The following RABEP2 variants were observed in gnomAD, a reference collection of about 807,000 sequenced individuals.
RABEP2 encodes rab GTPase-binding effector protein 2.
RABEP2 carries 57 observed loss-of-function variants against 74.1 expected under a neutral mutation model. The observed-to-expected ratio is 0.77, with a 90% CI of 0.62 to 0.96. RABEP2 has a LOEUF of 0.96. Ranked by LOEUF, RABEP2 falls within the 40% of genes least tolerant of loss-of-function variation. The pLI is 0.00. For synonymous variants in RABEP2, 351 were observed against 344.0 expected (o/e 1.02, Z -0.23); for missense variants, 692 against 756.3 (o/e 0.91, Z 1.00).
intron 3 of RABEP2, among the ~76,000 whole-genome samples, chr16:28,917,022 C>CCACT (rs940508041): frequency 1.3e-5 from 2 of 151,938 alleles, no homozygotes; most frequent in African/African-American, 4.8e-5. Context: ...CACATTTAAG[C>CCACT]CACTGTTAAT....
chr16:28,919,067 T>C (rs1964433343), intron 3 of RABEP2, among the ~76,000 whole-genome samples: 1 of 152,232 alleles, frequency 6.6e-6, no homozygotes, highest in African/African-American at 2.4e-5. Flanking sequence ...ATCGTACTCA[T>C]CTGATAAATG....
chr16:28,914,680 C>T lies in RABEP2; in HGVS notation c.535G>A (p.Glu179Lys). The T allele has an allele frequency of 6.2e-7, 1 of 1,614,152 alleles. No homozygotes were observed. The highest frequency in any genetic ancestry group is 8.5e-7 in the Non-Finnish European group (1 of 1,179,990). Residue 179 changes from glutamate (E) to lysine (K), a missense_variant, in exon 4 of 13, where the codon GAG (glutamate) becomes AAG (lysine). Coordinates refer to ENST00000358201, the MANE Select transcript of RABEP2 (RefSeq NM_024816.3). ...CCTGGCCGTGCCCTCACCTGGATCTCCTGAATCAGCTCCTCGGCCCTCAGC... is the reference window on the plus strand; with the variant it reads ...CCTGGCCGTGCCCTCACCTGGATCTTCTGAATCAGCTCCTCGGCCCTCAGC... ...KLLRAEELIQ[E>K]IQRRPRHAPS...
At chr16:28,923,455 T>C (rs899622139) in intron 2 of RABEP2, among the ~76,000 whole-genome samples, 6 of 152,154 alleles carry the variant, frequency 3.9e-5, no homozygotes, top group African/African-American at 1.2e-4. Flanking sequence ...GCTATTGTTA[T>C]TATTTAGGAC....
chr16:28,912,690 C>T (rs541278784), intron 5 of RABEP2, among the ~76,000 whole-genome samples: 30 of 152,138 alleles, frequency 2.0e-4, no homozygotes, highest in Non-Finnish European at 2.8e-4. Context: ...TGAGATTACA[C>T]GCGTGAGCCA....
chr16:28,921,563 C>T (rs1226428070), intron 2 of RABEP2, among the ~76,000 whole-genome samples: 1 of 151,806 alleles, frequency 6.6e-6, no homozygotes, highest in African/African-American at 2.4e-5. Context: ...GGGTGGCTCC[C>T]AGGGCCTTGA....
intron 2 of RABEP2, among the ~76,000 whole-genome samples, chr16:28,921,831 G>A (rs1192362651): frequency 1.3e-5 from 2 of 151,858 alleles, no homozygotes; most frequent in African/African-American, 4.8e-5. Context: ...CAGGCATGGT[G>A]GTGGGCGCCT....
intron 7 of RABEP2, 33 bp downstream of exon 7, chr16:28,910,855 C>A: frequency 6.4e-7 from 1 of 1,567,342 alleles, no homozygotes; most frequent in South Asian, 1.1e-5. Context: ...CTGGACTCCT[C>A]GCCCTCCTGC....
At chr16:28,906,469 C>T (rs532820864) in intron 8 of RABEP2, among the ~76,000 whole-genome samples, 4 of 152,122 alleles carry the variant, frequency 2.6e-5, no homozygotes, top group Admixed American at 6.6e-5. Flanking sequence ...AGATTACCTA[C>T]AGCAAGAGCC....
intron 3 of RABEP2, among the ~76,000 whole-genome samples, chr16:28,918,080 T>G (rs1311381028): frequency 2.2e-5 from 3 of 139,232 alleles, no homozygotes; most frequent in Admixed American, 7.2e-5. Context: ...TTTTTTTTTT[T>G]TTTTTTTTTT....
intron 2 of RABEP2, among the ~76,000 whole-genome samples, chr16:28,921,979 C>CA (rs1017254722): frequency 6.6e-6 from 1 of 151,368 alleles, no homozygotes; most frequent in Non-Finnish European, 1.5e-5. Context: ...AACAAAAAAA[C>CA]AAAAAAAAGA....
chr16:28,912,406 CTT>C (rs58094012), intron 5 of RABEP2, among the ~76,000 whole-genome samples: 96 of 118,124 alleles, frequency 8.1e-4, no homozygotes, highest in African/African-American at 2.2e-3. Context: ...TTCTTTCTTT[CTT>C]TTTTTTTTTT....
At chr16:28,913,435 C>T (rs1365580729) in intron 5 of RABEP2, among the ~76,000 whole-genome samples, 1 of 152,110 alleles carries the variant, frequency 6.6e-6, no homozygotes, top group African/African-American at 2.4e-5. Flanking sequence ...TTCTTTACCA[C>T]ATAATTTACC....
chr16:28,924,669 C>G, intron 1 of RABEP2, 54 bp from the exon 2 acceptor site: 1 of 1,528,966 alleles, frequency 6.5e-7, no homozygotes, highest in East Asian at 2.3e-5. Flanking sequence ...AGGCCACCTA[C>G]CGGCTTAGCA....
intron 11 of RABEP2, 48 bp from the exon 12 acceptor site, chr16:28,905,561 C>T (rs1243802486): frequency 1.9e-6 from 3 of 1,582,224 alleles, no homozygotes; most frequent in East Asian, 2.3e-5. Flanking sequence ...CAGCCTGGAC[C>T]AGATGGGAGG....
chr16:28,919,938 T>TG lies in RABEP2; in HGVS notation c.279dup (p.Ile94HisfsTer5). 2 of 1,211,526 alleles carry TG rather than the reference T, an allele frequency of 1.7e-6. No individual in the cohort carries two copies. Among genetic ancestry groups the TG allele is most frequent in the African/African-American group, 3.3e-5 (2 of 61,350 alleles). The allele number at this position is 1,211,526 out of a possible 1,614,324, so 75.0% of individuals were successfully genotyped here. A position where few individuals can be genotyped will look rare whatever the true frequency, so the allele number is the denominator to read the frequency against. ...GTGATCTGGGCTTCATAGCTGCTGA[T>TG]GGAGTCTGGTGGGGGAGAGGGAGGG... On this transcript the variant is annotated frameshift_variant, in exon 3 of 13. Coordinates refer to ENST00000358201, the MANE Select transcript of RABEP2 (RefSeq NM_024816.3). LOFTEE classifies it high-confidence loss of function.
intron 7 of RABEP2, among the ~76,000 whole-genome samples, chr16:28,909,807 G>A (rs1179520209): frequency 1.3e-5 from 2 of 151,352 alleles, no homozygotes; most frequent in Non-Finnish European, 2.9e-5. Context: ...GGTGGATCAC[G>A]AGGTCAGGAG....
intron 2 of RABEP2, among the ~76,000 whole-genome samples, chr16:28,923,188 G>A (rs958018853): frequency 2.0e-5 from 3 of 152,112 alleles, no homozygotes; most frequent in African/African-American, 2.4e-5. Flanking sequence ...CAGGCAGATC[G>A]TTTGAGCTCA....
At position 28,904,878 on chromosome 16, in the gene RABEP2, G is replaced by T; in HGVS notation, c.*65C>A. On this transcript the variant is annotated 3_prime_UTR_variant, in exon 13 of 13. Coordinates refer to ENST00000358201, the MANE Select transcript of RABEP2 (RefSeq NM_024816.3). ...AAGCCATCCAAGACCCCAGAGCGAGGCCTCATGGTTCAGGAGTGGGGAAAG... is the reference window on the plus strand; with the variant it reads ...AAGCCATCCAAGACCCCAGAGCGAGTCCTCATGGTTCAGGAGTGGGGAAAG... 1 of 1,230,366 alleles carries T rather than the reference G, an allele frequency of 8.1e-7. No individual in the cohort carries two copies. Among genetic ancestry groups the T allele is most frequent in the Non-Finnish European group, 1.2e-6 (1 of 854,492 alleles). The allele number at this position is 1,230,366 out of a possible 1,614,324, so 76.2% of individuals were successfully genotyped here.
rs1032308795 is a variant in RABEP2, at chr16:28,904,874, C to T, written c.*69G>A. 44 of 1,199,440 alleles carry T rather than the reference C, an allele frequency of 3.7e-5. No individual in the cohort carries two copies. The highest frequency in any genetic ancestry group is 2.4e-5 in the East Asian group (1 of 42,096). The allele number at this position is 1,199,440 out of a possible 1,614,324, so 74.3% of individuals were successfully genotyped here. A position where few individuals can be genotyped will look rare whatever the true frequency, so the allele number is the denominator to read the frequency against. On this transcript the variant is annotated 3_prime_UTR_variant, in exon 13 of 13. Coordinates refer to ENST00000358201, the MANE Select transcript of RABEP2 (RefSeq NM_024816.3). Reference sequence around the variant, plus strand: ...GGAAAAGCCATCCAAGACCCCAGAGCGAGGCCTCATGGTTCAGGAGTGGGG... The same window carrying T: ...GGAAAAGCCATCCAAGACCCCAGAGTGAGGCCTCATGGTTCAGGAGTGGGG...
Sources: gnomAD v4.1 joint callset for allele counts (sites outside exome capture counted in the v4.1 genomes callset) on GRCh38, gnomAD v4.1.1 for gene constraint, MANE v1.5 for transcripts, NCBI Gene and HGNC (gene_info 2026-07-23, HGNC 2026-07-21) for gene names.